PLD1: variants seen among roughly 807,000 people sequenced by gnomAD.
PLD1 encodes the protein choline phosphatase 1.
In PLD1, 112 loss-of-function variants were observed where a neutral mutation model predicts 137.1. The observed-to-expected ratio is 0.82, with a 90% confidence interval of 0.70 to 0.96. The LOEUF is 0.96. Among genes scored for constraint, PLD1 ranks in the 40% least tolerant of loss-of-function variants. PLD1 has a pLI of 0.00. For missense variants in PLD1, 1,321 were observed against 1,342.0 expected (o/e 0.98, Z 0.24); for synonymous variants, 431 against 454.7 (o/e 0.95, Z 0.66).
Position 171,688,676 on chromosome 3 carries a change from T to G in PLD1, c.1539A>C (p.Pro513=), listed in dbSNP as rs760712188. 6.2e-7 allele frequency: 1 copy of G among 1,609,538 alleles called. No homozygotes were observed. Residue 513 remains proline, a splice_region_variant and synonymous_variant, in exon 14 of 27, where the codon CCA becomes CCC. Coordinates refer to ENST00000351298, the MANE Select transcript of PLD1 (RefSeq NM_002662.5). ...VTSGPSLGSL[P]PAAMESMESL... ...TTCCATAAAGGTTAAATATACTTACTGGGAGGGAACCCAGAGACGGTCCTG... is the reference window on the plus strand; with the variant it reads ...TTCCATAAAGGTTAAATATACTTACGGGGAGGGAACCCAGAGACGGTCCTG...
At chr3:171,679,638 C>T (rs943258593) in intron 16 of PLD1, among the ~76,000 whole-genome samples, 1 of 152,214 alleles carries the variant, frequency 6.6e-6, no homozygotes, top group Non-Finnish European at 1.5e-5. Context: ...TTATCTTTCA[C>T]CTAACAACCA....
chr3:171,648,143 T>C (rs1736422991), intron 21 of PLD1, among the ~76,000 whole-genome samples: 1 of 152,174 alleles, frequency 6.6e-6, no homozygotes. Context: ...CTTTTGGCTA[T>C]TGTGAATAAT....
At chr3:171,807,026 A>G (rs1171025116) in intron 1 of PLD1, among the ~76,000 whole-genome samples, 4 of 152,186 alleles carry the variant, frequency 2.6e-5, no homozygotes, top group Non-Finnish European at 1.5e-5. Flanking sequence ...TGCATTTCTC[A>G]GCTGGGTATG....
At chr3:171,750,743 T>G (rs1049337157) in intron 1 of PLD1, among the ~76,000 whole-genome samples, 3 of 152,330 alleles carry the variant, frequency 2.0e-5, no homozygotes, top group African/African-American at 7.2e-5. Context: ...AACAACATCC[T>G]AAAGCTTAAT....
chr3:171,694,485 T>C (rs1715499681), intron 12 of PLD1, among the ~76,000 whole-genome samples: 1 of 152,078 alleles, frequency 6.6e-6, no homozygotes. Flanking sequence ...TATTATTTTA[T>C]TTTTCTCCTC....
At chr3:171,731,273 A>G (rs1718922093) in intron 6 of PLD1, among the ~76,000 whole-genome samples, 1 of 152,238 alleles carries the variant, frequency 6.6e-6, no homozygotes, top group Non-Finnish European at 1.5e-5. Flanking sequence ...TTTAACAGAT[A>G]CTTTTTTAGT....
chr3:171,737,399 G>A (rs1035854324), intron 3 of PLD1, 133 bp downstream of exon 3: 14 of 738,662 alleles, frequency 1.9e-5, no homozygotes, highest in Non-Finnish European at 2.7e-5. Flanking sequence ...ACTTGGAAAT[G>A]ATAGATACAT....
intron 16 of PLD1, among the ~76,000 whole-genome samples, chr3:171,684,172 G>A (rs1226694772): frequency 1.3e-5 from 2 of 152,138 alleles, no homozygotes; most frequent in Non-Finnish European, 1.5e-5. Flanking sequence ...GGGTAGGCGT[G>A]AGTTACTTAC....
chr3:171,773,864 T>C (rs1212337574), intron 1 of PLD1, among the ~76,000 whole-genome samples: 1 of 152,004 alleles, frequency 6.6e-6, no homozygotes, highest in African/African-American at 2.4e-5. Flanking sequence ...TTCTTCTGCC[T>C]CAGCCTCCCG....
chr3:171,770,927 G>A (rs1470325944), intron 1 of PLD1, among the ~76,000 whole-genome samples: 1 of 145,842 alleles, frequency 6.9e-6, no homozygotes, highest in Non-Finnish European at 1.5e-5. Context: ...CGGGGGCAGG[G>A]CTGATATTTA....
intron 23 of PLD1, among the ~76,000 whole-genome samples, chr3:171,628,652 G>A (rs1322875945): frequency 6.6e-6 from 1 of 151,268 alleles, no homozygotes; most frequent in East Asian, 1.9e-4. Flanking sequence ...ACATCAAAAA[G>A]CTTATCCACC....
At chr3:171,656,648 T>C (rs1019785893) in intron 21 of PLD1, among the ~76,000 whole-genome samples, 11 of 152,252 alleles carry the variant, frequency 7.2e-5, no homozygotes, top group African/African-American at 2.7e-4. Flanking sequence ...TCAAGCTCTC[T>C]GTAATCTTGC....
At chr3:171,608,734 C>T (rs1396393538) in intron 25 of PLD1, among the ~76,000 whole-genome samples, 1 of 152,028 alleles carries the variant, frequency 6.6e-6, no homozygotes. Context: ...GTCAGGACCC[C>T]GACCTCACTT....
At chr3:171,658,820 T>C (rs965697923) in intron 21 of PLD1, among the ~76,000 whole-genome samples, 1 of 151,992 alleles carries the variant, frequency 6.6e-6, no homozygotes, top group Non-Finnish European at 1.5e-5. Context: ...AAACCAATTA[T>C]TAAAAAAAAA....
At chr3:171,646,010 T>C (rs1403033739) in intron 21 of PLD1, among the ~76,000 whole-genome samples, 2 of 150,236 alleles carry the variant, frequency 1.3e-5, no homozygotes, top group Non-Finnish European at 3.0e-5. Flanking sequence ...TGAAAGAAAA[T>C]GAATTCTACT....
intron 1 of PLD1, among the ~76,000 whole-genome samples, chr3:171,786,645 C>A (rs571052395): frequency 6.6e-6 from 1 of 152,302 alleles, no homozygotes; most frequent in Admixed American, 6.5e-5. Flanking sequence ...CTCAAAGCAA[C>A]ATTACTGTTC....
chr3:171,729,873 G>A (rs1718800243), intron 6 of PLD1, among the ~76,000 whole-genome samples: 1 of 152,164 alleles, frequency 6.6e-6, no homozygotes, highest in East Asian at 1.9e-4. Flanking sequence ...AGGGAGAGGT[G>A]AACTCAGTAT....
chr3:171,802,382 G>A (rs907731717), intron 1 of PLD1, among the ~76,000 whole-genome samples: 1 of 152,196 alleles, frequency 6.6e-6, no homozygotes, highest in Non-Finnish European at 1.5e-5. Flanking sequence ...ACTGTGAAGT[G>A]AGGCAGCTTT....
chr3:171,619,638 C>T (rs1227378809), intron 24 of PLD1, among the ~76,000 whole-genome samples: 1 of 152,136 alleles, frequency 6.6e-6, no homozygotes, highest in Non-Finnish European at 1.5e-5. Flanking sequence ...CTTCTGATTT[C>T]GACTTTTGTA....
Sources: gnomAD v4.1 joint callset for allele counts (sites outside exome capture counted in the v4.1 genomes callset) on GRCh38, gnomAD v4.1.1 for gene constraint, MANE v1.5 for transcripts, NCBI Gene and HGNC (gene_info 2026-07-23, HGNC 2026-07-21) for gene names.